The following UTRN variants were observed in gnomAD, a reference collection of about 807,000 sequenced individuals.
UTRN encodes the protein utrophin.
UTRN carries 283 observed loss-of-function variants against 463.9 expected under a neutral mutation model. The observed-to-expected ratio is 0.61, with a 90% CI of 0.55 to 0.67. The LOEUF (loss-of-function observed/expected upper bound fraction) is 0.67, where lower values mean the gene tolerates loss of function less well. Among genes scored for constraint, UTRN ranks in the 30% least tolerant of loss-of-function variants. The probability of loss-of-function intolerance (pLI) is 0.00; values close to 1 mark genes in which losing one functional copy is unlikely to be tolerated. For missense variants in UTRN, 3,922 were observed against 4,084.3 expected (o/e 0.96, Z 1.08); for synonymous variants, 1,442 against 1,431.5 (o/e 1.01, Z -0.17).
chr6:144,810,871 A>G (rs1224606622), intron 65 of UTRN, among the ~76,000 whole-genome samples: 1 of 152,216 alleles, frequency 6.6e-6, no homozygotes, highest in South Asian at 2.1e-4. Flanking sequence ...AAATACCTCA[A>G]TGAGAAACAG....
intron 69 of UTRN, among the ~76,000 whole-genome samples, chr6:144,831,284 G>C (rs1054133861): frequency 1.3e-5 from 2 of 152,110 alleles, no homozygotes; most frequent in Admixed American, 1.3e-4. Flanking sequence ...AGATTATCCT[G>C]GATAATCCAG....
At chr6:144,494,114 G>A (rs1793342965) in intron 33 of UTRN, among the ~76,000 whole-genome samples, 1 of 152,110 alleles carries the variant, frequency 6.6e-6, no homozygotes, top group Non-Finnish European at 1.5e-5. Flanking sequence ...GTTCATTGTG[G>A]TAGACTTAGT....
chr6:144,476,858 T>G (rs962303187), intron 25 of UTRN, among the ~76,000 whole-genome samples: 15 of 152,168 alleles, frequency 9.9e-5, no homozygotes, highest in Non-Finnish European at 2.2e-4. Flanking sequence ...ACACCAAGCA[T>G]AACCAACTTT....
chr6:144,589,882 G>T (rs1215353345), intron 51 of UTRN, among the ~76,000 whole-genome samples: 1 of 151,456 alleles, frequency 6.6e-6, no homozygotes, highest in East Asian at 1.9e-4. Context: ...TTGAGACAGG[G>T]TCTCTGTCAC....
chr6:144,614,986 A>G (rs1488479333), intron 51 of UTRN, among the ~76,000 whole-genome samples: 11 of 152,150 alleles, frequency 7.2e-5, no homozygotes. Context: ...CTAAATAACA[A>G]ACCCCCCTCT....
chr6:144,734,254 G>A (rs1239652399), intron 54 of UTRN, among the ~76,000 whole-genome samples: 1 of 152,080 alleles, frequency 6.6e-6, no homozygotes, highest in African/African-American at 2.4e-5. Context: ...CGAAACTGTA[G>A]AGAATTCTTT....
intron 52 of UTRN, among the ~76,000 whole-genome samples, chr6:144,693,958 T>A (rs1783701280): frequency 6.6e-6 from 1 of 152,154 alleles, no homozygotes; most frequent in Admixed American, 6.6e-5. Context: ...AGGGCATCCT[T>A]GTCTTGTGCC....
intron 2 of UTRN, among the ~76,000 whole-genome samples, chr6:144,364,508 C>G (rs1255637144): frequency 6.6e-6 from 1 of 152,208 alleles, no homozygotes; most frequent in Non-Finnish European, 1.5e-5. Flanking sequence ...CAGCTTTGCT[C>G]TCCCCACTTC....
At chr6:144,440,173 A>C (rs1203268981) in intron 12 of UTRN, among the ~76,000 whole-genome samples, 179 bp from the exon 13 acceptor site, 1 of 152,228 alleles carries the variant, frequency 6.6e-6, no homozygotes, top group Non-Finnish European at 1.5e-5. Context: ...CTTTGTTGAT[A>C]ATGGAATGTA....
intron 50 of UTRN, among the ~76,000 whole-genome samples, chr6:144,567,951 T>C (rs1474343537): frequency 6.6e-6 from 1 of 152,190 alleles, no homozygotes; most frequent in Admixed American, 6.5e-5. Flanking sequence ...ATATCAAGTA[T>C]TATTTAACAT....
chr6:144,696,657 A>G (rs1169161169), intron 52 of UTRN, among the ~76,000 whole-genome samples: 5 of 152,178 alleles, frequency 3.3e-5, no homozygotes, highest in African/African-American at 4.8e-5. Context: ...AGATTTTACC[A>G]TAAACCAAAA....
chr6:144,671,695 T>A (rs1472688977), intron 51 of UTRN, among the ~76,000 whole-genome samples: 2 of 152,174 alleles, frequency 1.3e-5, no homozygotes, highest in Non-Finnish European at 2.9e-5. Context: ...CAGTGCTATG[T>A]TGAATAGAAG....
intron 51 of UTRN, among the ~76,000 whole-genome samples, chr6:144,581,481 C>A (rs1338520280): frequency 6.6e-6 from 1 of 152,104 alleles, no homozygotes; most frequent in Non-Finnish European, 1.5e-5. Context: ...GATTATTACA[C>A]TTTTATCTCC....
Position 144,793,867 on chromosome 6 carries a change from T to A in UTRN, c.8954T>A (p.Met2985Lys), listed in dbSNP as rs759972143. 2 of 1,614,062 alleles carry A rather than the reference T, an allele frequency of 1.2e-6. No homozygotes were observed. Residue 2985 changes from methionine to lysine, a missense_variant, in exon 63 of 75, where the codon ATG (methionine) becomes AAG (lysine). Met to Lys is a moderately conservative substitution (Grantham distance 95). Around this residue, in one of 3 missense-constraint regions of UTRN, gnomAD observed 1,309 missense variants for 1,452.6 expected, o/e 0.90. Transcript: ENST00000367545. ...AAGGAAGTTGCAGGGCCAACAGAAA[T>A]GTGTGACCAGAGGCAGCTGGGCCTG... Reference protein sequence around the residue: ...LFKEVAGPTEMCDQRQLGLLL... With the variant: ...LFKEVAGPTEKCDQRQLGLLL...
At chr6:144,718,260 A>G (rs1052638848) in intron 53 of UTRN, among the ~76,000 whole-genome samples, 3 of 152,158 alleles carry the variant, frequency 2.0e-5, no homozygotes, top group African/African-American at 7.2e-5. Context: ...ACTTGAGGCC[A>G]GGAGTTCAAG....
chr6:144,819,647 C>G (rs560252385), intron 65 of UTRN, among the ~76,000 whole-genome samples: 1 of 151,964 alleles, frequency 6.6e-6, no homozygotes, highest in South Asian at 2.1e-4. Context: ...GAGCTGAGAT[C>G]GTGCCATTGC....
At chr6:144,545,790 C>T (rs1162365592) in intron 46 of UTRN, among the ~76,000 whole-genome samples, 2 of 152,188 alleles carry the variant, frequency 1.3e-5, no homozygotes, top group Admixed American at 6.5e-5. Flanking sequence ...GAGGCCAAGG[C>T]GGGTGGATCA....
chr6:144,304,536 G>A (rs1316195596), intron 2 of UTRN, among the ~76,000 whole-genome samples: 2 of 152,174 alleles, frequency 1.3e-5, no homozygotes, highest in Admixed American at 1.3e-4. Context: ...CACGGGAGTG[G>A]TACCTGACAT....
At chr6:144,787,399 T>C (rs9497080) in intron 61 of UTRN, among the ~76,000 whole-genome samples, 2,603 of 152,314 alleles carry the variant, frequency 0.017, 67 homozygotes, top group African/African-American at 0.059. Context: ...ATGTTTATTT[T>C]AATATTAAGT....
Sources: allele counts gnomAD v4.1 joint callset (sites outside exome capture counted in the v4.1 genomes callset), GRCh38; gene constraint gnomAD v4.1.1; regional missense constraint gnomAD v4.1.1; transcripts MANE v1.5; gene names NCBI Gene and HGNC (gene_info 2026-07-23, HGNC 2026-07-21).